ARR3: variants seen among roughly 807,000 people sequenced by gnomAD.
ARR3 encodes the protein arrestin 3, also known as arrestin-C.
A neutral mutation model predicts 35.4 loss-of-function variants in ARR3; 14 were observed. The observed-to-expected ratio is 0.40, with a 90% CI of 0.26 to 0.62. The LOEUF (loss-of-function observed/expected upper bound fraction) is 0.62, where lower values mean the gene tolerates loss of function less well. ARR3 is among the 20% of genes least tolerant of loss of function. ARR3 has a pLI of 0.46. For missense variants in ARR3, 259 were observed against 303.8 expected, an observed-to-expected ratio of 0.85 and a Z score of 1.10; for synonymous variants, 97 against 119.1, an observed-to-expected ratio of 0.81 and a Z score of 1.21.
intron 8 of ARR3, 91 bp downstream of exon 8, chrX:70,276,827 C>A: frequency 1.2e-6 from 1 of 802,802 alleles, no homozygotes; most frequent in Non-Finnish European, 1.8e-6. Flanking sequence ...CCACTTCTAA[C>A]CTCCACAGCC....
intron 12 of ARR3, among the ~76,000 whole-genome samples, chrX:70,279,443 G>A (rs1371866667): frequency 8.9e-6 from 1 of 112,800 alleles, no homozygotes; most frequent in Non-Finnish European, 1.9e-5. Flanking sequence ...CCAGAGCAAT[G>A]AAGAGATTTT....
rs752013986 is a variant in ARR3, at chrX:70,276,129, G to C, written c.193G>C (p.Glu65Gln). 1.7e-6 allele frequency: 2 copies of C among 1,211,834 alleles called. No homozygotes were observed. The highest frequency in any genetic ancestry group is 4.3e-5 in the Admixed American group (2 of 46,051). Residue 65 changes from glutamate to glutamine, a missense_variant, in exon 6 of 17, where the codon GAA becomes CAA. Glu to Gln is a conservative substitution (Grantham distance 29, BLOSUM62 2). Coordinates refer to ENST00000307959, the MANE Select transcript of ARR3 (RefSeq NM_004312.3). ...CAFRYGRDDL[E>Q]VIGLTFRKDL... ...CTTTCGCTATGGCCGTGATGACTTG[G>C]AAGTGATTGGTCTGACGTTCCGAAA...
At chrX:70,281,378 C>T (rs1464664424) in intron 16 of ARR3, 6 of 441,193 alleles carry the variant, frequency 1.4e-5, no homozygotes, top group African/African-American at 1.0e-4. Context: ...TTCCCCCACC[C>T]GCTCGCCCTT....
chrX:70,269,538 C>A, intron 2 of ARR3, 124 bp from the exon 3 acceptor site: 1 of 1,000,760 alleles, frequency 1.0e-6, no homozygotes. Context: ...TTGCCCCATC[C>A]TATGCTCCTG....
rs144099108 is a variant in ARR3 at position 70,277,193 on chromosome X, C to G, written c.474-201C>G. ...AGCTTGTGGGCCATAGGAAAACAGGCATCAGGCCAGATTTGGCCAGTGGGC... is the reference window on the plus strand; with the variant it reads ...AGCTTGTGGGCCATAGGAAAACAGGGATCAGGCCAGATTTGGCCAGTGGGC... On this transcript the variant is annotated intron_variant, in intron 8 of 16. Coordinates refer to ENST00000307959, the MANE Select transcript of ARR3 (RefSeq NM_004312.3). 5.2e-3 allele frequency among the ~76,000 whole-genome samples: 588 copies of G among 113,086 alleles called. 5 individuals carry two copies. Among genetic ancestry groups the G allele is most frequent in the African/African-American group, 0.018 (558 of 31,165 alleles).
rs751435688 is a variant in ARR3, at chrX:70,269,366, AC to A, written c.-19del. 6.6e-6 allele frequency: 8 copies of A among 1,208,109 alleles called. No individual in the cohort carries two copies. The highest frequency in any genetic ancestry group is 4.6e-4 in the Middle Eastern group (2 of 4,337). On this transcript the variant is annotated 5_prime_UTR_variant, in exon 2 of 17. Transcript: ENST00000307959. ...TTTCCCTTTTCCCAGAAAAGGCTCA[AC>A]ATCAACTATATAGCCAACATGTCCA... is the stretch of plus-strand genomic sequence containing the variant.
chrX:70,275,688 G>A (rs1204959442), intron 5 of ARR3, among the ~76,000 whole-genome samples: 1 of 22,458 alleles, frequency 4.5e-5, no homozygotes, highest in African/African-American at 2.9e-4. Flanking sequence ...TTTTTTTTTT[G>A]AGACAGAGTC....
At chrX:70,278,667 T>C in intron 12 of ARR3, 26 bp downstream of exon 12, 1 of 1,197,328 alleles carries the variant, frequency 8.4e-7, no homozygotes, top group Non-Finnish European at 1.1e-6. Context: ...ACTCTCAGCC[T>C]CCATTTCCTA....
chrX:70,272,612 GAATTAATGGCCAA>G (rs2085634188), intron 5 of ARR3, among the ~76,000 whole-genome samples: 1 of 111,703 alleles, frequency 9.0e-6, no homozygotes, highest in Non-Finnish European at 1.9e-5. Flanking sequence ...CCTAGAAGAG[GAATTAATGGCCAA>G]AAGGCATTCA....
At chrX:70,277,586 C>T in intron 9 of ARR3, 57 bp downstream of exon 9, 1 of 1,190,950 alleles carries the variant, frequency 8.4e-7, no homozygotes, top group Non-Finnish European at 1.1e-6. Context: ...GCCCTTTCTT[C>T]ACTGATTTCC....
chrX:70,276,856 C>A, intron 8 of ARR3, 120 bp downstream of exon 8: 2 of 645,080 alleles, frequency 3.1e-6, no homozygotes, highest in Non-Finnish European at 4.7e-6. Flanking sequence ...ACCAGTGACA[C>A]CCGGTTCTGA....
intron 5 of ARR3, among the ~76,000 whole-genome samples, chrX:70,271,879 A>G (rs1246243270): frequency 8.9e-6 from 1 of 111,776 alleles, no homozygotes; most frequent in Admixed American, 9.6e-5. Flanking sequence ...AAAGAAAATA[A>G]AAACAAGCTA....
intron 11 of ARR3, 24 bp downstream of exon 11, chrX:70,278,162 C>A: frequency 5.0e-6 from 6 of 1,189,560 alleles, no homozygotes; most frequent in South Asian, 1.8e-5. Flanking sequence ...GGGGCTAGGA[C>A]CAGAGAGCCA....
rs966747843 is a variant in ARR3, at chrX:70,276,730, C to A, written c.467C>A (p.Ser156Tyr). 8.3e-7 allele frequency: 1 copy of A among 1,209,628 alleles called. No homozygotes were observed. The highest frequency in any genetic ancestry group is 1.1e-6 in the Non-Finnish European group (1 of 893,823). ...FCAENPEETV[S>Y]KRDYVRLVVR... ...GCTGAAAACCCAGAGGAGACAGTCT[C>A]CAAGAGGTATTCTTTGGTTGTCCCC... The change falls in exon 8 of 17, where the codon TCC becomes TAC. Residue 156 changes from serine (S) to tyrosine (Y), a missense_variant. Ser to Tyr is a moderately radical substitution (Grantham distance 144, BLOSUM62 -2). Transcript: ENST00000307959.
intron 5 of ARR3, among the ~76,000 whole-genome samples, chrX:70,274,875 T>C (rs935165669): frequency 1.7e-4 from 19 of 112,421 alleles, no homozygotes; most frequent in African/African-American, 5.5e-4. Flanking sequence ...ACCATCACAA[T>C]GACCATCAAG....
intron 5 of ARR3, among the ~76,000 whole-genome samples, chrX:70,274,238 G>T (rs1278224469): frequency 2.3e-5 from 2 of 88,551 alleles, no homozygotes; most frequent in Non-Finnish European, 4.3e-5. Context: ...GACTCACTCT[G>T]TCACCCCCAC....
chrX:70,281,848 A>G, downstream of ARR3: 1 of 805,506 alleles, frequency 1.2e-6, no homozygotes, highest in Non-Finnish European at 1.8e-6. Context: ...GTGCCTAGCG[A>G]TCTCTTGCCT....
intron 16 of ARR3, chrX:70,281,379 G>T (rs754721751): frequency 1.6e-5 from 7 of 429,933 alleles, no homozygotes; most frequent in Non-Finnish European, 2.8e-5. Flanking sequence ...TCCCCCACCC[G>T]CTCGCCCTTA....
intron 11 of ARR3, 104 bp from the exon 12 acceptor site, chrX:70,278,400 C>T (rs2085663445): frequency 2.0e-6 from 2 of 991,156 alleles, no homozygotes; most frequent in Non-Finnish European, 2.7e-6. Flanking sequence ...CTCTTGGATA[C>T]TCCAGTAGGT....
Sources: allele counts gnomAD v4.1 joint callset (sites outside exome capture counted in the v4.1 genomes callset), GRCh38; gene constraint gnomAD v4.1.1; transcripts MANE v1.5; gene names NCBI Gene and HGNC (gene_info 2026-07-23, HGNC 2026-07-21).